Variants in ARHGAP12 observed in about 807,000 individuals in gnomAD.
The protein encoded by ARHGAP12 is rho GTPase-activating protein 12.
In ARHGAP12, 64 loss-of-function variants were observed where a neutral mutation model predicts 108.6. The observed-to-expected ratio is 0.59, with a 90% CI of 0.48 to 0.73. ARHGAP12 has a LOEUF of 0.73. Ranked by LOEUF, ARHGAP12 falls within the 30% of genes least tolerant of loss-of-function variation. ARHGAP12 has a pLI of 0.00. For missense variants in ARHGAP12, 940 were observed against 1,005.9 expected (o/e 0.93, Z 0.89); for synonymous variants, 312 against 337.2 (o/e 0.93, Z 0.82).
At chr10:31,817,149 T>C (rs1193686893) in intron 13 of ARHGAP12, among the ~76,000 whole-genome samples, 2 of 151,904 alleles carry the variant, frequency 1.3e-5, no homozygotes, top group East Asian at 3.9e-4. Context: ...AGTTCAAGGC[T>C]GCAGTGAGCT....
intron 2 of ARHGAP12, among the ~76,000 whole-genome samples, chr10:31,909,298 A>T (rs1014215388): frequency 1.3e-5 from 2 of 152,300 alleles, no homozygotes; most frequent in African/African-American, 2.4e-5. Context: ...TTTCATTTCT[A>T]TAACAATTCC....
chr10:31,873,132 A>G (rs1837605186), intron 3 of ARHGAP12, among the ~76,000 whole-genome samples: 1 of 152,206 alleles, frequency 6.6e-6, no homozygotes, highest in East Asian at 1.9e-4. Context: ...ATAAAAAGAG[A>G]GATAAAATGA....
intron 3 of ARHGAP12, 97 bp from the exon 4 acceptor site, chr10:31,861,755 T>A: frequency 6.0e-6 from 7 of 1,157,614 alleles, no homozygotes; most frequent in Non-Finnish European, 8.5e-6. Flanking sequence ...TACTAACTCA[T>A]TTTAAAACAT....
chr10:31,916,175 C>CT (rs1414638631), intron 1 of ARHGAP12, among the ~76,000 whole-genome samples: 1 of 152,152 alleles, frequency 6.6e-6, no homozygotes, highest in Non-Finnish European at 1.5e-5. Flanking sequence ...ATCCCAAACA[C>CT]TTACAACTAC....
chr10:31,816,168 C>CGTGTGTGTGTGTGTGT lies in ARHGAP12; in HGVS notation c.1731+1604_1731+1619dup, dbSNP rs201754040. 4.5e-3 allele frequency among the ~76,000 whole-genome samples: 618 copies of CGTGTGTGTGTGTGTGT among 136,418 alleles called. 9 individuals are homozygous for CGTGTGTGTGTGTGTGT. Among genetic ancestry groups the CGTGTGTGTGTGTGTGT allele is most frequent in the East Asian group, 0.011 (46 of 4,340 alleles). 89.5% of individuals were successfully genotyped at this position (136,418 alleles called of 152,430 possible). ...TGTCTCAAAAAAAGAAAGAAAGAAACGTGTGTGTGTGTGTGTGTGTGTGTG... is the reference window on the plus strand; with the variant it reads ...TGTCTCAAAAAAAGAAAGAAAGAAACGTGTGTGTGTGTGTGTGTGTGTGTGTGTGTGTGTGTGTGTG... On this transcript the variant is annotated intron_variant, in intron 13 of 19. Coordinates refer to ENST00000344936, the MANE Select transcript of ARHGAP12 (RefSeq NM_018287.7).
chr10:31,879,683 C>T (rs1837862836), intron 3 of ARHGAP12, among the ~76,000 whole-genome samples: 1 of 152,122 alleles, frequency 6.6e-6, no homozygotes, highest in African/African-American at 2.4e-5. Flanking sequence ...CCTAATATGG[C>T]TCACACTTGG....
At chr10:31,817,053 T>C (rs1222368032) in intron 13 of ARHGAP12, among the ~76,000 whole-genome samples, 1 of 151,932 alleles carries the variant, frequency 6.6e-6, no homozygotes, top group East Asian at 1.9e-4. Flanking sequence ...ATACAGAGTA[T>C]AAAAAAGTGC....
chr10:31,808,535 G>T, intron 19 of ARHGAP12, 114 bp downstream of exon 19: 4 of 839,550 alleles, frequency 4.8e-6, no homozygotes, highest in Non-Finnish European at 7.6e-6. Flanking sequence ...AAGTTACAAA[G>T]ACAGCAAGTA....
chr10:31,903,288 G>GGTAA (rs1388012851), intron 3 of ARHGAP12, among the ~76,000 whole-genome samples: 7 of 152,096 alleles, frequency 4.6e-5, no homozygotes, highest in African/African-American at 1.7e-4. Context: ...GGAACAAAAT[G>GGTAA]GTAAGTATTT....
At chr10:31,904,477 A>G (rs1839042269) in intron 3 of ARHGAP12, among the ~76,000 whole-genome samples, 1 of 152,176 alleles carries the variant, frequency 6.6e-6, no homozygotes, top group Admixed American at 6.5e-5. Flanking sequence ...TATGGCTGTA[A>G]AAGGGCAACA....
chr10:31,855,605 CA>C (rs1403120304), intron 4 of ARHGAP12, among the ~76,000 whole-genome samples: 1 of 151,978 alleles, frequency 6.6e-6, no homozygotes, highest in Non-Finnish European at 1.5e-5. Flanking sequence ...AAGCCTAATT[CA>C]AAAATCAGGA....
At chr10:31,908,080 A>G in intron 3 of ARHGAP12, 92 bp downstream of exon 3, 4 of 1,241,042 alleles carry the variant, frequency 3.2e-6, no homozygotes, top group Non-Finnish European at 2.2e-6. Context: ...AAGCAAAACA[A>G]GTCTTAACTC....
chr10:31,839,253 A>G, intron 9 of ARHGAP12, 52 bp downstream of exon 9: 1 of 1,545,992 alleles, frequency 6.5e-7, no homozygotes, highest in Non-Finnish European at 8.9e-7. Flanking sequence ...ATTTTACAGC[A>G]TAGAAAATGA....
At chr10:31,811,816 G>C (rs1204491330) in intron 15 of ARHGAP12, among the ~76,000 whole-genome samples, 1 of 151,920 alleles carries the variant, frequency 6.6e-6, no homozygotes, top group South Asian at 2.1e-4. Context: ...CTACAGGTGT[G>C]TGCCACCACA....
chr10:31,852,653 T>C, intron 5 of ARHGAP12, 56 bp from the exon 6 acceptor site: 1 of 1,151,804 alleles, frequency 8.7e-7, no homozygotes, highest in East Asian at 2.4e-5. Flanking sequence ...GAGTTTAAGC[T>C]ACTACTATCA....
chr10:31,915,157 C>T (rs371304328), intron 1 of ARHGAP12, among the ~76,000 whole-genome samples: 3 of 152,098 alleles, frequency 2.0e-5, no homozygotes, highest in Admixed American at 6.5e-5. Flanking sequence ...GAGACCGGGG[C>T]GTGCAGATCA....
At chr10:31,913,776 G>C (rs2797402) in intron 1 of ARHGAP12, 308 of 146,438 alleles carry the variant, frequency 2.1e-3, no homozygotes, top group Middle Eastern at 3.5e-3. Context: ...TTCTAGCAGG[G>C]TTTTTTTTTT....
chr10:31,836,863 A>G (rs1836040531), intron 9 of ARHGAP12, among the ~76,000 whole-genome samples: 1 of 152,178 alleles, frequency 6.6e-6, no homozygotes, highest in African/African-American at 2.4e-5. Context: ...CATTCAGGAA[A>G]AAAGGAATGC....
At chr10:31,909,041 C>T (rs374760626) in intron 2 of ARHGAP12, 115 bp from the exon 3 acceptor site, 3 of 581,182 alleles carry the variant, frequency 5.2e-6, no homozygotes, top group African/African-American at 3.8e-5. Flanking sequence ...TACTTCAAAT[C>T]TCAAACCCCA....
Sources: allele counts gnomAD v4.1 joint callset (sites outside exome capture counted in the v4.1 genomes callset), GRCh38; gene constraint gnomAD v4.1.1; transcripts MANE v1.5; gene names NCBI Gene and HGNC (gene_info 2026-07-23, HGNC 2026-07-21).